The following EXPH5 variants were observed in gnomAD, a reference collection of about 807,000 sequenced individuals.
EXPH5 encodes exophilin 5.
A neutral mutation model predicts 41.1 loss-of-function variants in EXPH5; 42 were observed. The ratio of observed to expected loss-of-function variants is 1.02; its 90% CI spans 0.80 to 1.32. The LOEUF (loss-of-function observed/expected upper bound fraction) is 1.32. Ranked by LOEUF, EXPH5 falls within the 40% of genes most tolerant of loss-of-function variation. EXPH5 has a pLI of 0.00. For synonymous variants in EXPH5, 798 were observed against 833.5 expected, an observed-to-expected ratio of 0.96 and a Z score of 0.73; for missense variants, 2,298 against 2,314.5, an observed-to-expected ratio of 0.99 and a Z score of 0.15.
At chr11:108,606,547 A>G in the EXPH5 span, among the ~76,000 whole-genome samples, 3 of 152,114 alleles carry the variant, frequency 2.0e-5, no homozygotes, top group Admixed American at 2.0e-4. Context: ...AAAAAAATGG[A>G]TTTTAAATTT....
At chr11:108,560,966 G>T (rs1283118114) in intron 1 of EXPH5, among the ~76,000 whole-genome samples, 1 of 152,130 alleles carries the variant, frequency 6.6e-6, no homozygotes, top group East Asian at 1.9e-4. Context: ...AATTTATCAT[G>T]AAATCTTAAT....
Position 108,545,582 on chromosome 11 carries a change from G to A in EXPH5, c.120-3770C>T, listed in dbSNP as rs569460752. Among the ~76,000 whole-genome samples, 72 of 152,192 alleles carry A rather than the reference G, an allele frequency of 4.7e-4. No individual in the cohort carries two copies. In the South Asian group the frequency reaches 0.014, roughly 29 times the overall value. On this transcript the variant is annotated intron_variant, in intron 1 of 5. Transcript: ENST00000265843. ...CATGGGATTTAAATTCTGCTGGGGT[G>A]GGAGTGTGTGTGGGGGGGAAACAAT...
At chr11:108,526,154 C>G (rs1214670406) in intron 4 of EXPH5, among the ~76,000 whole-genome samples, 1 of 151,988 alleles carries the variant, frequency 6.6e-6, no homozygotes, top group Non-Finnish European at 1.5e-5. Context: ...AACTCCTGGC[C>G]TCAATCAATC....
intron 3 of EXPH5, 140 bp from the exon 4 acceptor site, chr11:108,528,324 G>T (rs537944422): frequency 1.7e-6 from 1 of 596,104 alleles, no homozygotes; most frequent in Admixed American, 3.0e-5. Flanking sequence ...ATGTTTCTTC[G>T]TTAGTGCATT....
intron 4 of EXPH5, among the ~76,000 whole-genome samples, chr11:108,527,812 C>T (rs529071991): frequency 3.3e-4 from 50 of 152,286 alleles, no homozygotes; most frequent in African/African-American, 1.2e-3. Flanking sequence ...GGCTGGCAAA[C>T]GTGGCTGTGG....
At chr11:108,569,828 G>T (rs1238275150) in intron 1 of EXPH5, among the ~76,000 whole-genome samples, 1 of 77,016 alleles carries the variant, frequency 1.3e-5, no homozygotes, top group Non-Finnish European at 2.9e-5. Flanking sequence ...ACTTTACAGA[G>T]GAACACGGAG....
intron 5 of EXPH5, 37 bp from the exon 6 acceptor site, chr11:108,514,912 T>G (rs1204025780): frequency 1.5e-5 from 20 of 1,319,898 alleles, no homozygotes; most frequent in Non-Finnish European, 2.0e-5. Context: ...TTTCTGTATG[T>G]TTTTACAGTT....
chr11:108,560,563 T>A (rs113778168), intron 1 of EXPH5, among the ~76,000 whole-genome samples: 6 of 152,388 alleles, frequency 3.9e-5, no homozygotes, highest in African/African-American at 1.4e-4. Flanking sequence ...ATCATTAGAA[T>A]GATTATTCTG....
chr11:108,573,777 T>G (rs1388809569), intron 1 of EXPH5, among the ~76,000 whole-genome samples: 2 of 152,240 alleles, frequency 1.3e-5, no homozygotes, highest in Admixed American at 1.3e-4. Flanking sequence ...AATCTCTAGA[T>G]GAGAAGAGTA....
At chr11:108,585,232 TA>T (rs1475847409) in intron 1 of EXPH5, among the ~76,000 whole-genome samples, 1 of 152,064 alleles carries the variant, frequency 6.6e-6, no homozygotes, top group South Asian at 2.1e-4. Context: ...ATGGTTAAAA[TA>T]AAAAAATATT....
chr11:108,518,118 G>C, intron 5 of EXPH5, 117 bp downstream of exon 5: 1 of 856,840 alleles, frequency 1.2e-6, no homozygotes, highest in South Asian at 1.9e-5. Context: ...TAAACATGAG[G>C]ATGTAAAAAA....
intron 1 of EXPH5, among the ~76,000 whole-genome samples, chr11:108,563,798 C>T (rs959895531): frequency 2.3e-4 from 35 of 152,202 alleles, no homozygotes; most frequent in African/African-American, 8.4e-4. Context: ...ATCAAATCCT[C>T]TTCACTGTCC....
chr11:108,526,846 C>A (rs917709520), intron 4 of EXPH5, among the ~76,000 whole-genome samples: 2 of 152,082 alleles, frequency 1.3e-5, no homozygotes, highest in South Asian at 2.1e-4. Flanking sequence ...AATAATAGTA[C>A]CTCTTTTATA....
intron 4 of EXPH5, among the ~76,000 whole-genome samples, chr11:108,524,899 A>C (rs373503936): frequency 3.3e-5 from 5 of 152,142 alleles, no homozygotes; most frequent in East Asian, 3.9e-4. Context: ...ACACAGCCTG[A>C]TATGGTTCGG....
In EXPH5 at chr11:108,507,453, A is replaced by C. The variant is rs190884767; in HGVS notation, c.*2084T>G. The C allele has an allele frequency of 3.3e-5, 5 of 152,326 alleles. No individual in the cohort carries two copies. The highest frequency in any genetic ancestry group is 6.5e-5 in the Admixed American group (1 of 15,302). The allele number at this position is 152,326 out of a possible 1,614,324, so 9.4% of individuals were successfully genotyped here. A position where few individuals can be genotyped will look rare whatever the true frequency, so the allele number is the denominator to read the frequency against. On this transcript the variant is annotated 3_prime_UTR_variant, in exon 6 of 6. Transcript: ENST00000265843. ...TAGATTAGGTCGCGAAGCAAATATAAACCAAGCAAGATAAAATCCACTCAT... is the reference window on the plus strand; with the variant it reads ...TAGATTAGGTCGCGAAGCAAATATACACCAAGCAAGATAAAATCCACTCAT...
At chr11:108,573,202 G>GAAAGAAAGAAAGAA (rs2094068767) in intron 1 of EXPH5, among the ~76,000 whole-genome samples, 10 of 117,170 alleles carry the variant, frequency 8.5e-5, no homozygotes, top group African/African-American at 1.2e-4. Context: ...GAAAGAAAAA[G>GAAAGAAAGAAAGAA]AAAGAAAGAA....
intron 3 of EXPH5, among the ~76,000 whole-genome samples, chr11:108,535,926 T>C (rs1175240326): frequency 2.6e-5 from 4 of 152,168 alleles, no homozygotes; most frequent in Non-Finnish European, 5.9e-5. Flanking sequence ...ACGTACACCA[T>C]TGGATGCCCT....
chr11:108,598,143 A>G (rs2094141327), upstream of EXPH5, among the ~76,000 whole-genome samples: 1 of 152,218 alleles, frequency 6.6e-6, no homozygotes, highest in Non-Finnish European at 1.5e-5. Context: ...GACCCGCATG[A>G]TGAGATGTCA....
chr11:108,522,391 C>T (rs562462509), intron 4 of EXPH5, among the ~76,000 whole-genome samples: 1 of 152,180 alleles, frequency 6.6e-6, no homozygotes, highest in Non-Finnish European at 1.5e-5. Context: ...TACTTTAGTT[C>T]ATTTAGTTTT....
Sources: allele counts gnomAD v4.1 joint callset (sites outside exome capture counted in the v4.1 genomes callset), GRCh38; gene constraint gnomAD v4.1.1; transcripts MANE v1.5; gene names NCBI Gene and HGNC (gene_info 2026-07-23, HGNC 2026-07-21).